The following NBAS variants were observed in gnomAD, a reference collection of about 807,000 sequenced individuals.
NBAS encodes the protein NBAS subunit of NRZ tethering complex.
Under a neutral mutation model 302.5 loss-of-function variants are expected in NBAS, and 219 were observed. That is an observed-to-expected ratio of 0.72 (90% CI 0.65 to 0.81). NBAS has a LOEUF of 0.81. Ranked by LOEUF, NBAS falls within the 30% of genes least tolerant of loss-of-function variation. The probability of loss-of-function intolerance (pLI) is 0.00; values close to 1 mark genes in which losing one functional copy is unlikely to be tolerated. For missense variants in NBAS, 2,932 were observed against 2,841.6 expected (o/e 1.03, Z -0.72); for synonymous variants, 1,118 against 1,021.6 (o/e 1.09, Z -1.80).
In NBAS at chr2:15,287,132, G is replaced by C. The variant is rs751002986; in HGVS notation, c.5079C>G (p.Tyr1693Ter). 5.0e-6 allele frequency: 8 copies of C among 1,613,942 alleles called. No individual in the cohort carries two copies. The Admixed American group carries it at 6.7e-5, about 13-fold the overall frequency. The change falls in exon 42 of 52, where the codon TAC becomes TAG. Residue 1693 changes from tyrosine (Y) to a stop codon, truncating the protein, a stop_gained. Coordinates refer to ENST00000281513, the MANE Select transcript of NBAS (RefSeq NM_015909.4). LOFTEE classifies it high-confidence loss of function. ...YSIAISLAQRYSVSRWEVFMT... is the reference protein window; with the variant it reads ...YSIAISLAQR ...TAAAAACTTCCCAGCGGGAGACACT[G>C]TAACGTTGTGCCAGAGAAATAGCAA...
the NBAS span, among the ~76,000 whole-genome samples, chr2:15,084,538 C>A: frequency 1.3e-5 from 2 of 152,314 alleles, no homozygotes; most frequent in Admixed American, 6.5e-5. Flanking sequence ...TCTGAATTAT[C>A]CACTGGGAGT....
Position 15,536,425 on chromosome 2 carries a change from G to A in NBAS, c.640C>T (p.Leu214Phe). The change falls in exon 8 of 52, where the codon CTT becomes TTT. Residue 214 changes from leucine (L) to phenylalanine (F), a missense_variant. Leu to Phe is a conservative substitution (Grantham distance 22, BLOSUM62 0). Coordinates refer to ENST00000281513, the MANE Select transcript of NBAS (RefSeq NM_015909.4). ...TCCAAAGCACATTTTTACCTTACAA[G>A]GTAACTTCTAAGTTCTCCTCGGTAA... ...INYRGELRSY[L>F]VSVGTNQSYQ... is the part of the protein sequence containing the mutation. The A allele has an allele frequency of 2.5e-6, 4 of 1,612,910 alleles. No individual in the cohort carries two copies. The highest frequency in any genetic ancestry group is 3.4e-6 in the Non-Finnish European group (4 of 1,179,856).
At chr2:15,424,170 A>T in intron 23 of NBAS, 145 bp downstream of exon 23, 1 of 1,036,218 alleles carries the variant, frequency 9.7e-7, no homozygotes, top group South Asian at 1.4e-5. Flanking sequence ...GCACAGGATA[A>T]CAAAGAAATA....
rs1266443751 is a variant in NBAS at position 15,561,204 on chromosome 2, G to A, written c.101C>T (p.Pro34Leu). The A allele has an allele frequency of 1.9e-6, 3 of 1,613,756 alleles. No individual in the cohort carries two copies. The highest frequency in any genetic ancestry group is 1.7e-5 in the Admixed American group (1 of 60,020). The stretch of plus-strand genomic sequence containing the variant: ...CTGGTTCACCTGTACTTCAGTCTCC[G>A]GTGGCCACTCGGTGTTGACCAACAA... ...YDLLVNTEWP[P>L]ETEVQPRGNQ... Residue 34 changes from proline to leucine, a missense_variant, in exon 1 of 52, where the codon CCG (proline) becomes CTG (leucine). Pro to Leu is a moderately conservative substitution (Grantham distance 98, BLOSUM62 -3). Coordinates refer to ENST00000281513, the MANE Select transcript of NBAS (RefSeq NM_015909.4).
At chr2:15,081,245 C>A in the NBAS span, among the ~76,000 whole-genome samples, 2 of 152,056 alleles carry the variant, frequency 1.3e-5, no homozygotes, top group African/African-American at 4.8e-5. Flanking sequence ...CTATCCCTAC[C>A]CATATCATTG....
chr2:15,417,482 A>G (rs376187883), intron 24 of NBAS, 45 bp downstream of exon 24: 1 of 1,527,316 alleles, frequency 6.5e-7, no homozygotes, highest in Non-Finnish European at 9.0e-7. Flanking sequence ...AAGTGCATAG[A>G]AAATGCTTTA....
chr2:14,968,316 G>A, the NBAS span, among the ~76,000 whole-genome samples: 1 of 152,042 alleles, frequency 6.6e-6, no homozygotes, highest in Non-Finnish European at 1.5e-5. Context: ...TCTCTAAATA[G>A]TCATGGTCTC....
chr2:15,420,475 A>G (rs1033683656), intron 23 of NBAS, among the ~76,000 whole-genome samples: 2 of 152,216 alleles, frequency 1.3e-5, no homozygotes, highest in Non-Finnish European at 2.9e-5. Context: ...GAAGCCAAGG[A>G]GAATATGGTT....
chr2:14,817,304 G>C, the NBAS span, among the ~76,000 whole-genome samples: 3 of 152,106 alleles, frequency 2.0e-5, no homozygotes, highest in African/African-American at 7.2e-5. Flanking sequence ...AAAACTCCTA[G>C]GTTCCCTTTG....
chr2:14,968,338 T>C, the NBAS span, among the ~76,000 whole-genome samples: 1 of 152,134 alleles, frequency 6.6e-6, no homozygotes, highest in African/African-American at 2.4e-5. Context: ...AAAGAATGTA[T>C]ACAAATAACA....
chr2:15,279,906 A>G (rs1669750136), intron 42 of NBAS, among the ~76,000 whole-genome samples: 1 of 152,202 alleles, frequency 6.6e-6, no homozygotes, highest in East Asian at 1.9e-4. Context: ...GTTTAGAAAA[A>G]AATTCCAAAG....
chr2:15,459,827 C>T (rs1412446276), intron 21 of NBAS, among the ~76,000 whole-genome samples: 18 of 152,082 alleles, frequency 1.2e-4, no homozygotes, highest in Admixed American at 9.2e-4. Context: ...CAAGGACTAA[C>T]ACTAATGTAA....
chr2:15,487,287 T>C (rs1680670061), intron 12 of NBAS, among the ~76,000 whole-genome samples: 1 of 152,208 alleles, frequency 6.6e-6, no homozygotes, highest in Admixed American at 6.5e-5. Context: ...ATCAATGAAA[T>C]GAATAATGCT....
At chr2:14,975,829 A>T in the NBAS span, among the ~76,000 whole-genome samples, 1 of 102,668 alleles carries the variant, frequency 9.7e-6, no homozygotes, top group African/African-American at 4.5e-5. Flanking sequence ...GACTGGTAGA[A>T]AAAAAAAAAT....
At chr2:15,194,581 T>G (rs1665520396) in intron 48 of NBAS, among the ~76,000 whole-genome samples, 1 of 152,072 alleles carries the variant, frequency 6.6e-6, no homozygotes, top group South Asian at 2.1e-4. Flanking sequence ...AAGAAAATGA[T>G]AAAAGAAGGA....
At chr2:15,351,403 A>G (rs543112974) in intron 35 of NBAS, among the ~76,000 whole-genome samples, 1 of 152,310 alleles carries the variant, frequency 6.6e-6, no homozygotes, top group South Asian at 2.1e-4. Context: ...AAGGCCAGGC[A>G]TGGTGGCTCA....
intron 14 of NBAS, 128 bp downstream of exon 14, chr2:15,475,559 T>C (rs1386840938): frequency 2.1e-6 from 2 of 974,688 alleles, no homozygotes; most frequent in Non-Finnish European, 3.0e-6. Context: ...ACTACAACCA[T>C]TACCTGATTC....
the NBAS span, among the ~76,000 whole-genome samples, chr2:14,999,384 G>C: frequency 1.3e-5 from 2 of 152,088 alleles, no homozygotes; most frequent in Admixed American, 6.5e-5. Context: ...GATATGGTTT[G>C]GCTCTGTGTC....
chr2:15,022,324 C>T, the NBAS span, among the ~76,000 whole-genome samples: 2 of 152,196 alleles, frequency 1.3e-5, no homozygotes, highest in African/African-American at 2.4e-5. Flanking sequence ...ACTGACTCCT[C>T]TCTCTTCACT....
Sources: allele counts gnomAD v4.1 joint callset (sites outside exome capture counted in the v4.1 genomes callset), GRCh38; gene constraint gnomAD v4.1.1; transcripts MANE v1.5; gene names NCBI Gene and HGNC (gene_info 2026-07-23, HGNC 2026-07-21).